Variants in ITGB3BP observed in about 807,000 individuals in gnomAD.
ITGB3BP encodes integrin subunit beta 3 binding protein, also known as centromere protein R.
In ITGB3BP, 27 loss-of-function variants were observed where a neutral mutation model predicts 29.1. The ratio of observed to expected loss-of-function variants is 0.93; its 90% CI spans 0.68 to 1.28. ITGB3BP has a LOEUF of 1.28. Ranked by LOEUF, ITGB3BP falls within the 50% of genes most tolerant of loss-of-function variation. The probability of loss-of-function intolerance (pLI) is 0.00; values close to 1 mark genes in which losing one functional copy is unlikely to be tolerated. For synonymous variants in ITGB3BP, 61 were observed against 61.4 expected, an observed-to-expected ratio of 0.99 and a Z score of 0.03; for missense variants, 192 against 200.2, an observed-to-expected ratio of 0.96 and a Z score of 0.25.
At chr1:63,523,024 T>C (rs969164428) in intron 1 of ITGB3BP, 105 bp downstream of exon 1, 1 of 1,378,270 alleles carries the variant, frequency 7.3e-7, no homozygotes, top group African/African-American at 1.4e-5. Flanking sequence ...GACAAGTTCA[T>C]ACTCCGAAAA....
intron 4 of ITGB3BP, among the ~76,000 whole-genome samples, chr1:63,472,948 A>G (rs867889777): frequency 0.013 from 1,871 of 143,706 alleles, 31 homozygotes; most frequent in African/African-American, 0.046. Context: ...CATCTGGGAT[A>G]TGAGGAGCCC....
At chr1:63,476,058 G>A (rs1002899883) in intron 4 of ITGB3BP, among the ~76,000 whole-genome samples, 1 of 149,542 alleles carries the variant, frequency 6.7e-6, no homozygotes, top group African/African-American at 2.5e-5. Flanking sequence ...TGGTCTCACT[G>A]TGTTACCTAG....
At chr1:63,470,586 G>C (rs1645179078) in intron 4 of ITGB3BP, among the ~76,000 whole-genome samples, 1 of 152,144 alleles carries the variant, frequency 6.6e-6, no homozygotes, top group South Asian at 2.1e-4. Flanking sequence ...TTCAGCCATT[G>C]TTGTTAGCTA....
intron 1 of ITGB3BP, among the ~76,000 whole-genome samples, chr1:63,511,515 C>A (rs1646199518): frequency 1.3e-5 from 2 of 151,822 alleles, no homozygotes; most frequent in Non-Finnish European, 2.9e-5. Context: ...TCACAATAGC[C>A]AAAAGGTAGA....
intron 2 of ITGB3BP, among the ~76,000 whole-genome samples, chr1:63,497,520 GCAAATAGAAT>G (rs1406705324): frequency 6.6e-6 from 1 of 152,114 alleles, no homozygotes; most frequent in Non-Finnish European, 1.5e-5. Context: ...TTCAAACAGG[GCAAATAGAAT>G]GTATTGGGTG....
rs1442494272 is a variant in ITGB3BP at position 63,508,976 on chromosome 1, C to T, written c.6-406G>A. Among the ~76,000 whole-genome samples the T allele has an allele frequency of 2.0e-5, 3 of 152,078 alleles. No homozygotes were observed. The East Asian group carries it at 5.8e-4, about 29-fold the overall frequency. ...ACTTTCAGTGGAGATGTTGAAAGTACAGTACAGAAACAGTGCACTAGGTGT... is the reference window on the plus strand; with the variant it reads ...ACTTTCAGTGGAGATGTTGAAAGTATAGTACAGAAACAGTGCACTAGGTGT... On this transcript the variant is annotated intron_variant, in intron 1 of 8. Coordinates refer to ENST00000271002, the MANE Select transcript of ITGB3BP (RefSeq NM_014288.5).
intron 4 of ITGB3BP, among the ~76,000 whole-genome samples, chr1:63,462,689 T>G (rs1645036937): frequency 6.6e-6 from 1 of 152,244 alleles, no homozygotes; most frequent in African/African-American, 2.4e-5. Flanking sequence ...TATATCTTCA[T>G]CCTAAGATTC....
At chr1:63,478,145 T>C (rs2100622589) in intron 4 of ITGB3BP, among the ~76,000 whole-genome samples, 1 of 152,370 alleles carries the variant, frequency 6.6e-6, no homozygotes, top group African/African-American at 2.4e-5. Flanking sequence ...AAAAAGTTTG[T>C]ATATGTTCAG....
intron 4 of ITGB3BP, among the ~76,000 whole-genome samples, chr1:63,478,385 C>G (rs1365062343): frequency 6.6e-6 from 1 of 152,226 alleles, no homozygotes; most frequent in Non-Finnish European, 1.5e-5. Context: ...ATCTCTCACT[C>G]TGCTGGCTTC....
intron 7 of ITGB3BP, chr1:63,449,303 C>G (rs1644831225): frequency 6.6e-6 from 1 of 152,394 alleles, no homozygotes; most frequent in Admixed American, 6.6e-5. Flanking sequence ...TGTCTGATAG[C>G]AAGTTATTTA....
intron 4 of ITGB3BP, among the ~76,000 whole-genome samples, chr1:63,471,075 G>A (rs950038167): frequency 6.6e-6 from 1 of 152,150 alleles, no homozygotes; most frequent in Non-Finnish European, 1.5e-5. Context: ...CTCTTGTGAA[G>A]TACCAATTAA....
At chr1:63,463,083 G>A (rs768130233) in intron 4 of ITGB3BP, among the ~76,000 whole-genome samples, 15 of 151,602 alleles carry the variant, frequency 9.9e-5, no homozygotes, top group South Asian at 2.1e-4. Context: ...GTGAAACCCC[G>A]TCTCTACTAA....
intron 2 of ITGB3BP, among the ~76,000 whole-genome samples, chr1:63,494,743 AAAGATATT>A (rs1489040508): frequency 1.3e-5 from 2 of 152,182 alleles, no homozygotes; most frequent in African/African-American, 4.8e-5. Context: ...TTCACAATTT[AAAGATATT>A]AAGATATTAA....
At chr1:63,524,997 A>G (rs1481858850), upstream of ITGB3BP, among the ~76,000 whole-genome samples, 1 of 152,198 alleles carries the variant, frequency 6.6e-6, no homozygotes, top group Non-Finnish European at 1.5e-5. Flanking sequence ...TGCATTATTG[A>G]GATGTTAATG....
rs535897602 is a variant in ITGB3BP at position 63,454,693 on chromosome 1, T to A, written c.333+197A>T. 1.3e-5 allele frequency among the ~76,000 whole-genome samples: 2 copies of A among 152,264 alleles called. No individual in the cohort carries two copies. Among genetic ancestry groups the A allele is most frequent in the Admixed American group, 1.3e-4 (2 of 15,290 alleles). ...AAAGACTAAATGTAATCTATAAATT[T>A]ATGTTTAAATGTGAAAAGCAAGATA... On this transcript the variant is annotated intron_variant, in intron 5 of 8. Coordinates refer to ENST00000271002, the MANE Select transcript of ITGB3BP (RefSeq NM_014288.5). This position sits in a 1 kb window ranked among gnomAD's most constrained non-coding sequence, Gnocchi z 4.1.
At position 63,479,474 on chromosome 1, in the gene ITGB3BP, C is replaced by G. The variant is rs547737274; in HGVS notation, c.185-641G>C. ...ATGGTATGAACACTGAAAGTCTACT[C>G]TCTCAGCAATTTTCAAGTATATAAT... On this transcript the variant is annotated intron_variant, in intron 3 of 8. Coordinates refer to ENST00000271002, the MANE Select transcript of ITGB3BP (RefSeq NM_014288.5). 2.6e-4 allele frequency among the ~76,000 whole-genome samples: 39 copies of G among 152,226 alleles called. No homozygotes were observed. The East Asian group carries it at 4.6e-3, about 18-fold the overall frequency.
At chr1:63,445,233 CCGAGA>C in intron 8 of ITGB3BP, among the ~76,000 whole-genome samples, 1 of 152,190 alleles carries the variant, frequency 6.6e-6, no homozygotes. Context: ...TTTCAGTGAG[CCGAGA>C]TCGTGCCACT....
At chr1:63,496,087 C>T (rs1645780392) in intron 2 of ITGB3BP, among the ~76,000 whole-genome samples, 1 of 148,978 alleles carries the variant, frequency 6.7e-6, no homozygotes, top group African/African-American at 2.6e-5. Context: ...CATTCTGGGC[C>T]ACTACAATTT....
chr1:63,481,286 T>C (rs1219978809), intron 3 of ITGB3BP, among the ~76,000 whole-genome samples: 4 of 152,136 alleles, frequency 2.6e-5, no homozygotes, highest in Non-Finnish European at 2.9e-5. Context: ...TGGAAGGACT[T>C]ATGATTTTAA....
Sources: allele counts gnomAD v4.1 joint callset (sites outside exome capture counted in the v4.1 genomes callset), GRCh38; gene constraint gnomAD v4.1.1; non-coding constraint Gnocchi (gnomAD v3.1); transcripts MANE v1.5; gene names NCBI Gene and HGNC (gene_info 2026-07-23, HGNC 2026-07-21).